KIAA0825: variants seen among roughly 807,000 people sequenced by gnomAD.
KIAA0825 encodes the protein KIAA0825, also known as uncharacterized protein KIAA0825.
A neutral mutation model predicts 147.6 loss-of-function variants in KIAA0825; 119 were observed. That is an observed-to-expected ratio of 0.81 (90% CI 0.69 to 0.94). The LOEUF (loss-of-function observed/expected upper bound fraction) is 0.94. KIAA0825 is among the 40% of genes least tolerant of loss of function. The pLI, the probability that KIAA0825 is intolerant of heterozygous loss-of-function variation, is 0.00. For missense variants in KIAA0825, 1,381 were observed against 1,472.7 expected (o/e 0.94, Z 1.02); for synonymous variants, 470 against 518.1 (o/e 0.91, Z 1.26).
chr5:94,587,193 G>T (rs1252571905), intron 1 of KIAA0825, among the ~76,000 whole-genome samples: 1 of 152,114 alleles, frequency 6.6e-6, no homozygotes, highest in African/African-American at 2.4e-5. Context: ...TTCTGGCCTG[G>T]GCATTCAGGC....
intron 20 of KIAA0825, among the ~76,000 whole-genome samples, chr5:94,342,705 T>A (rs918963841): frequency 1.3e-5 from 2 of 152,158 alleles, no homozygotes; most frequent in Non-Finnish European, 2.9e-5. Context: ...TCTTTGAGAT[T>A]AGGATGACAG....
At chr5:94,489,059 T>C (rs1039574257) in intron 5 of KIAA0825, among the ~76,000 whole-genome samples, 1 of 152,230 alleles carries the variant, frequency 6.6e-6, no homozygotes, top group Non-Finnish European at 1.5e-5. Flanking sequence ...TTAGACCTTT[T>C]GCTGCAGGTT....
At chr5:94,527,335 C>G (rs1302252189) in intron 3 of KIAA0825, among the ~76,000 whole-genome samples, 1 of 151,914 alleles carries the variant, frequency 6.6e-6, no homozygotes, top group Non-Finnish European at 1.5e-5. Flanking sequence ...TAATTATAAA[C>G]TCTTGAAACT....
At position 94,192,641 on chromosome 5, in the gene KIAA0825, G is replaced by A. The variant is rs562116047; in HGVS notation, c.3711-38517C>T. 5.9e-5 allele frequency among the ~76,000 whole-genome samples: 9 copies of A among 151,802 alleles called. No individual in the cohort carries two copies. The South Asian group carries it at 1.5e-3, about 25-fold the overall frequency. ...TTTTTTTTTAACTACCCTTACCTGCGCCAGTGGCAGAATGTTTGTCTGGTC... is the reference window on the plus strand; with the variant it reads ...TTTTTTTTTAACTACCCTTACCTGCACCAGTGGCAGAATGTTTGTCTGGTC... On this transcript the variant is annotated intron_variant, in intron 20 of 20. Coordinates refer to ENST00000682413, the MANE Select transcript of KIAA0825 (RefSeq NM_001145678.3).
chr5:94,221,875 A>G (rs760804404), intron 20 of KIAA0825, among the ~76,000 whole-genome samples: 1 of 152,096 alleles, frequency 6.6e-6, no homozygotes, highest in Non-Finnish European at 1.5e-5. Flanking sequence ...GAATCTATGT[A>G]AGGTTTAGGA....
chr5:94,601,374 GA>G (rs1428292038), intron 1 of KIAA0825, among the ~76,000 whole-genome samples: 1 of 151,966 alleles, frequency 6.6e-6, no homozygotes, highest in Non-Finnish European at 1.5e-5. Context: ...CAGCAACAAC[GA>G]AAAAACCCCA....
At chr5:94,231,457 C>T (rs907087691) in intron 20 of KIAA0825, among the ~76,000 whole-genome samples, 7 of 152,078 alleles carry the variant, frequency 4.6e-5, no homozygotes, top group African/African-American at 1.7e-4. Flanking sequence ...TTCTTTCAAA[C>T]GTGAATCAAA....
intron 20 of KIAA0825, among the ~76,000 whole-genome samples, chr5:94,361,666 T>C (rs952765263): frequency 6.6e-6 from 1 of 152,230 alleles, no homozygotes; most frequent in African/African-American, 2.4e-5. Context: ...CAAGCATCTA[T>C]ATGTACATAC....
intron 20 of KIAA0825, among the ~76,000 whole-genome samples, chr5:94,201,507 A>G (rs915200935): frequency 6.6e-6 from 1 of 152,084 alleles, no homozygotes; most frequent in Admixed American, 6.5e-5. Flanking sequence ...CTTTGTGCTC[A>G]AGTGGTCATC....
At chr5:94,278,031 A>G (rs1274444293) in intron 20 of KIAA0825, among the ~76,000 whole-genome samples, 2 of 152,098 alleles carry the variant, frequency 1.3e-5, no homozygotes, top group African/African-American at 4.8e-5. Flanking sequence ...CAAACACCAC[A>G]TGTTCTCACG....
chr5:94,352,719 T>C (rs1014603944), intron 20 of KIAA0825, among the ~76,000 whole-genome samples: 3 of 152,220 alleles, frequency 2.0e-5, no homozygotes, highest in Non-Finnish European at 2.9e-5. Flanking sequence ...TATACATATA[T>C]ACATACGATG....
chr5:94,334,633 C>A (rs1781617025), intron 20 of KIAA0825, among the ~76,000 whole-genome samples: 1 of 152,164 alleles, frequency 6.6e-6, no homozygotes. Context: ...CAGGCATGGG[C>A]CACCATGCCC....
chr5:94,529,532 T>C (rs1770345588), intron 3 of KIAA0825, among the ~76,000 whole-genome samples: 1 of 151,466 alleles, frequency 6.6e-6, no homozygotes, highest in Non-Finnish European at 1.5e-5. Flanking sequence ...TTCCCATTTG[T>C]ATAAAAATCT....
chr5:94,571,098 A>C (rs1225874730), intron 2 of KIAA0825, among the ~76,000 whole-genome samples: 1 of 152,234 alleles, frequency 6.6e-6, no homozygotes, highest in Non-Finnish European at 1.5e-5. Flanking sequence ...GTGCATTACA[A>C]CATATTTCAA....
intron 14 of KIAA0825, among the ~76,000 whole-genome samples, chr5:94,420,239 G>T (rs76082993): frequency 0.1 from 15,301 of 152,002 alleles, 1,089 homozygotes; most frequent in African/African-American, 0.21. Context: ...TCATGCAACG[G>T]AAATGCACAT....
intron 3 of KIAA0825, among the ~76,000 whole-genome samples, chr5:94,529,843 T>A (rs10514385): frequency 0.41 from 62,967 of 152,094 alleles, 14,282 homozygotes; most frequent in African/African-American, 0.61. Context: ...TACCTAAGAA[T>A]CATGTCTAAC....
At chr5:94,426,106 A>C (rs895622442) in intron 14 of KIAA0825, among the ~76,000 whole-genome samples, 1 of 151,456 alleles carries the variant, frequency 6.6e-6, no homozygotes, top group Admixed American at 6.6e-5. Flanking sequence ...CCTGGTCTCA[A>C]GCGATCCTCC....
chr5:94,546,519 G>C (rs745911560), intron 2 of KIAA0825, among the ~76,000 whole-genome samples: 14 of 34,456 alleles, frequency 4.1e-4, no homozygotes, highest in East Asian at 7.7e-3. Context: ...GCTCAGCACA[G>C]AGAGAGAGAG....
chr5:94,458,739 G>C lies in KIAA0825; in HGVS notation c.2246+3648C>G, dbSNP rs1469876184. On this transcript the variant is annotated intron_variant, in intron 12 of 20. Transcript: ENST00000682413. The stretch of plus-strand genomic sequence containing the variant: ...TTCTGGAAAATTTTGCATTCTGCCA[G>C]ATACCTTTTTTTTAAAAAAAAAAAA... Among the ~76,000 whole-genome samples, 3 of 147,346 alleles carry C rather than the reference G, an allele frequency of 2.0e-5. No homozygotes were observed. In the East Asian group the frequency reaches 6.0e-4, roughly 30 times the overall value.
Sources: allele counts gnomAD v4.1 joint callset (sites outside exome capture counted in the v4.1 genomes callset), GRCh38; gene constraint gnomAD v4.1.1; transcripts MANE v1.5; gene names NCBI Gene and HGNC (gene_info 2026-07-23, HGNC 2026-07-21).